Variants in RASEF observed in about 807,000 individuals in gnomAD.
The protein encoded by RASEF is ras and EF-hand domain-containing protein.
Under a neutral mutation model 90.1 loss-of-function variants are expected in RASEF, and 68 were observed. The ratio of observed to expected loss-of-function variants is 0.75; its 90% confidence interval spans 0.62 to 0.92. The LOEUF (loss-of-function observed/expected upper bound fraction) is 0.92. Ranked by LOEUF, RASEF falls within the 40% of genes least tolerant of loss-of-function variation. The probability of loss-of-function intolerance (pLI) is 0.00; values close to 1 mark genes in which losing one functional copy is unlikely to be tolerated. For synonymous variants in RASEF, 331 were observed against 345.2 expected (o/e 0.96, Z 0.46); for missense variants, 949 against 937.2 (o/e 1.01, Z -0.16).
the RASEF span, among the ~76,000 whole-genome samples, chr9:83,107,576 A>G: frequency 6.6e-6 from 1 of 152,174 alleles, no homozygotes; most frequent in Non-Finnish European, 1.5e-5. Flanking sequence ...CTCTCCTAAA[A>G]CAACTCTCAT....
At chr9:83,217,198 C>T in the RASEF span, among the ~76,000 whole-genome samples, 1 of 152,044 alleles carries the variant, frequency 6.6e-6, no homozygotes, top group South Asian at 2.1e-4. Flanking sequence ...GATGCTTTTA[C>T]CCCCCATTGT....
chr9:83,210,764 G>C, the RASEF span, among the ~76,000 whole-genome samples: 6 of 152,126 alleles, frequency 3.9e-5, no homozygotes, highest in Non-Finnish European at 8.8e-5. Flanking sequence ...AAATGTTATA[G>C]GTATAGTATA....
chr9:83,023,051 C>T (rs1829471573), intron 2 of RASEF, among the ~76,000 whole-genome samples: 1 of 151,956 alleles, frequency 6.6e-6, no homozygotes, highest in Admixed American at 6.6e-5. Flanking sequence ...GGGAGGCTCT[C>T]AATAAATTCT....
chr9:83,158,234 T>C, the RASEF span, among the ~76,000 whole-genome samples: 1 of 152,116 alleles, frequency 6.6e-6, no homozygotes, highest in Admixed American at 6.6e-5. Context: ...TGAATTAAAG[T>C]AAAGCTTTTA....
intron 9 of RASEF, among the ~76,000 whole-genome samples, chr9:83,004,116 T>C (rs1312210045): frequency 1.3e-5 from 2 of 152,192 alleles, no homozygotes; most frequent in East Asian, 3.9e-4. Flanking sequence ...AATATTATGC[T>C]GAGCTATTAA....
At chr9:83,123,002 G>T in the RASEF span, among the ~76,000 whole-genome samples, 1 of 151,260 alleles carries the variant, frequency 6.6e-6, no homozygotes, top group African/African-American at 2.4e-5. Context: ...CACTTTGGCA[G>T]GCCGAGGCAG....
chr9:83,197,706 C>A, the RASEF span, among the ~76,000 whole-genome samples: 2 of 152,264 alleles, frequency 1.3e-5, 1 homozygote, highest in Middle Eastern at 6.8e-3. Context: ...CTTCTTCACT[C>A]CTCCTTATCA....
At chr9:83,184,201 A>G in the RASEF span, among the ~76,000 whole-genome samples, 1 of 152,220 alleles carries the variant, frequency 6.6e-6, no homozygotes, top group Non-Finnish European at 1.5e-5. Context: ...TGGGAGGGAC[A>G]AGGAAGCATT....
chr9:83,005,542 T>C, intron 7 of RASEF, 42 bp from the exon 8 acceptor site: 2 of 1,404,266 alleles, frequency 1.4e-6, no homozygotes, highest in South Asian at 1.2e-5. Context: ...ACAAGGAAAG[T>C]ATCATTGGGG....
the RASEF span, among the ~76,000 whole-genome samples, chr9:83,194,149 A>G: frequency 1.3e-5 from 2 of 152,210 alleles, no homozygotes; most frequent in African/African-American, 4.8e-5. Flanking sequence ...AATAAACTCC[A>G]TACTGTATTC....
Position 83,022,568 on chromosome 9 carries a change from T to C in RASEF, c.579-142A>G, listed in dbSNP as rs1829463856. Reference sequence around the variant, plus strand: ...ATTCAAAATGATTTCCCATTCCTTCTACATAATAAAATGAGATTGGCAATT... The same window carrying C: ...ATTCAAAATGATTTCCCATTCCTTCCACATAATAAAATGAGATTGGCAATT... On this transcript the variant is annotated intron_variant, in intron 2 of 16. Coordinates refer to ENST00000376447, the MANE Select transcript of RASEF (RefSeq NM_152573.4). 6 of 645,090 alleles carry C rather than the reference T, an allele frequency of 9.3e-6. No individual in the cohort carries two copies. In the South Asian group the frequency reaches 1.2e-4, roughly 12 times the overall value. 40.0% of individuals were successfully genotyped at this position (645,090 alleles called of 1,614,324 possible). A position where few individuals can be genotyped will look rare whatever the true frequency, so the allele number is the denominator to read the frequency against.
chr9:83,193,852 T>C, the RASEF span, among the ~76,000 whole-genome samples: 1 of 152,174 alleles, frequency 6.6e-6, no homozygotes, highest in African/African-American at 2.4e-5. Flanking sequence ...CATTTTTATA[T>C]TAGATCTATT....
At chr9:83,092,003 C>CTTTTTTTTTTTTTTTTTTTTTTTTTTTTT in the RASEF span, among the ~76,000 whole-genome samples, 934 of 35,964 alleles carry the variant, frequency 0.026, 190 homozygotes, top group East Asian at 0.036. Context: ...TCTTTTATTT[C>CTTTTTTTTTTTTTTTTTTTTTTTTTTTTT]TTTTTTTTTT....
intron 6 of RASEF, among the ~76,000 whole-genome samples, 181 bp from the exon 7 acceptor site, chr9:83,007,686 C>T (rs554118262): frequency 6.6e-6 from 1 of 152,214 alleles, no homozygotes; most frequent in East Asian, 1.9e-4. Context: ...TCTCCTTCTG[C>T]GACTCCACAA....
chr9:83,166,709 G>A, the RASEF span, among the ~76,000 whole-genome samples: 1 of 152,164 alleles, frequency 6.6e-6, no homozygotes, highest in South Asian at 2.1e-4. Context: ...ACAGAGGAAT[G>A]ATTTATTTAG....
intron 1 of RASEF, among the ~76,000 whole-genome samples, chr9:83,029,310 A>T (rs1159448528): frequency 6.6e-6 from 1 of 152,122 alleles, no homozygotes; most frequent in African/African-American, 2.4e-5. Context: ...TGAAAAACGT[A>T]AGGTACACAT....
chr9:83,016,509 A>G (rs1829345756), intron 3 of RASEF, among the ~76,000 whole-genome samples: 2 of 152,192 alleles, frequency 1.3e-5, no homozygotes, highest in South Asian at 2.1e-4. Context: ...CTTTTAATAA[A>G]TGATACAATT....
Position 83,053,706 on chromosome 9 carries a change from C to T in RASEF, c.431+8731G>A, listed in dbSNP as rs570220234. ...ACCGGTTGATCCTTTCCATGTTTAGCACTTCCTTCAGGAGCTCTTTTAGGG... is the reference window on the plus strand; with the variant it reads ...ACCGGTTGATCCTTTCCATGTTTAGTACTTCCTTCAGGAGCTCTTTTAGGG... On this transcript the variant is annotated intron_variant, in intron 1 of 16. Coordinates refer to ENST00000376447, the MANE Select transcript of RASEF (RefSeq NM_152573.4). Among the ~76,000 whole-genome samples the T allele has an allele frequency of 1.9e-3, 283 of 147,304 alleles. 24 individuals are homozygous for T. The highest frequency in any genetic ancestry group is 7.3e-3 in the African/African-American group (274 of 37,472).
chr9:83,123,665 C>A, the RASEF span, among the ~76,000 whole-genome samples: 1 of 152,194 alleles, frequency 6.6e-6, no homozygotes, highest in African/African-American at 2.4e-5. Context: ...AGCGCCCTCA[C>A]CCCACCCTCT....
Sources: gnomAD v4.1 joint callset for allele counts (sites outside exome capture counted in the v4.1 genomes callset) on GRCh38, gnomAD v4.1.1 for gene constraint, MANE v1.5 for transcripts, NCBI Gene and HGNC (gene_info 2026-07-23, HGNC 2026-07-21) for gene names.